DCDC2C: variants seen among roughly 807,000 people sequenced by gnomAD.
DCDC2C encodes doublecortin domain-containing protein 2C.
Under a neutral mutation model 45.0 loss-of-function variants are expected in DCDC2C, and 44 were observed. That is an observed-to-expected ratio of 0.98 (90% confidence interval 0.77 to 1.26). DCDC2C has a LOEUF of 1.26. Among genes scored for constraint, DCDC2C ranks in the 50% most tolerant of loss-of-function variants. DCDC2C has a pLI of 0.00. For synonymous variants in DCDC2C, 187 were observed against 178.8 expected, an observed-to-expected ratio of 1.05 and a Z score of -0.37; for missense variants, 447 against 468.9, an observed-to-expected ratio of 0.95 and a Z score of 0.43.
intron 6 of DCDC2C, among the ~76,000 whole-genome samples, chr2:3,759,740 C>T (rs1205829848): frequency 1.3e-5 from 2 of 152,144 alleles, no homozygotes; most frequent in Non-Finnish European, 2.9e-5. Flanking sequence ...AAAGTATTTT[C>T]GATGTCAAGT....
intron 1 of DCDC2C, among the ~76,000 whole-genome samples, chr2:3,708,214 G>A (rs1397408421): frequency 1.3e-5 from 2 of 152,172 alleles, no homozygotes; most frequent in Non-Finnish European, 2.9e-5. Flanking sequence ...TGAGCTCGCA[G>A]TTCTGGGCCT....
chr2:3,724,884 A>G (rs1572560485), intron 2 of DCDC2C, among the ~76,000 whole-genome samples: 1 of 152,130 alleles, frequency 6.6e-6, no homozygotes, highest in East Asian at 1.9e-4. Context: ...CAGAGCTGGG[A>G]AGTGAGGGAG....
intron 4 of DCDC2C, among the ~76,000 whole-genome samples, chr2:3,747,758 G>A (rs1669416448): frequency 6.6e-6 from 1 of 152,220 alleles, no homozygotes; most frequent in Non-Finnish European, 1.5e-5. Flanking sequence ...TTCCATCTAA[G>A]CCCTGAGGGG....
At chr2:3,747,924 C>T (rs964992135) in intron 4 of DCDC2C, among the ~76,000 whole-genome samples, 2 of 152,018 alleles carry the variant, frequency 1.3e-5, no homozygotes, top group South Asian at 2.1e-4. Flanking sequence ...CTGGTCAGGG[C>T]GGGCTTCTCT....
intron 8 of DCDC2C, among the ~76,000 whole-genome samples, chr2:3,771,771 G>GCTGC (rs1487122475): frequency 6.6e-6 from 1 of 152,198 alleles, no homozygotes; most frequent in African/African-American, 2.4e-5. Flanking sequence ...AGCGTGGCTG[G>GCTGC]CTGCCTGGCC....
At chr2:3,830,123 A>C (rs746807191) in intron 10 of DCDC2C, among the ~76,000 whole-genome samples, 3 of 152,142 alleles carry the variant, frequency 2.0e-5, no homozygotes, top group Non-Finnish European at 4.4e-5. Flanking sequence ...GGATAAGGAG[A>C]GCTGACAGAA....
rs1672355442 is a variant in DCDC2C at position 3,847,204 on chromosome 2, C to T, written c.*21C>T. 5 of 1,230,334 alleles carry T rather than the reference C, an allele frequency of 4.1e-6. No individual in the cohort carries two copies. The African/African-American group carries it at 4.7e-5, about 11-fold the overall frequency. The allele number at this position is 1,230,334 out of a possible 1,614,324, so 76.2% of individuals were successfully genotyped here. A position where few individuals can be genotyped will look rare whatever the true frequency, so the allele number is the denominator to read the frequency against. On this transcript the variant is annotated 3_prime_UTR_variant, in exon 11 of 11. Coordinates refer to ENST00000399143, the MANE Select transcript of DCDC2C (RefSeq NM_001287444.2). The stretch of plus-strand genomic sequence containing the variant: ...ATTAACAAAACCACCTTTATTATTA[C>T]CTGAAGTCCACTTTTCTTCAACCAT...
At chr2:3,769,542 G>C (rs1670109021) in intron 8 of DCDC2C, 131 bp downstream of exon 8, 1 of 773,728 alleles carries the variant, frequency 1.3e-6, no homozygotes, top group Non-Finnish European at 2.1e-6. Flanking sequence ...GTTCCTCCTA[G>C]TTAGAGACTG....
intron 6 of DCDC2C, 106 bp downstream of exon 6, chr2:3,754,740 A>G: frequency 1.0e-6 from 1 of 967,426 alleles, no homozygotes; most frequent in East Asian, 2.7e-5. Context: ...TAAACAGAGC[A>G]TCAGTGCCAG....
chr2:3,797,112 C>T (rs965527254), intron 10 of DCDC2C, among the ~76,000 whole-genome samples: 7 of 152,182 alleles, frequency 4.6e-5, no homozygotes, highest in South Asian at 2.1e-4. Context: ...GTGTATGTGT[C>T]GAGGAATTTA....
At chr2:3,801,204 G>C (rs972755010) in intron 10 of DCDC2C, among the ~76,000 whole-genome samples, 3 of 152,238 alleles carry the variant, frequency 2.0e-5, no homozygotes, top group African/African-American at 7.2e-5. Flanking sequence ...AGTTCCTCAA[G>C]CTCTTGCTAA....
At chr2:3,820,710 A>G (rs1009460668) in intron 10 of DCDC2C, among the ~76,000 whole-genome samples, 3 of 152,086 alleles carry the variant, frequency 2.0e-5, no homozygotes, top group African/African-American at 7.2e-5. Flanking sequence ...GGACGGGGAG[A>G]TTGGAGGGTA....
At chr2:3,709,435 T>C (rs964676094) in intron 2 of DCDC2C, among the ~76,000 whole-genome samples, 1 of 152,238 alleles carries the variant, frequency 6.6e-6, no homozygotes, top group African/African-American at 2.4e-5. Context: ...CAGAGCTCCA[T>C]GCAGGACACG....
chr2:3,751,460 C>T (rs76096760), intron 4 of DCDC2C, among the ~76,000 whole-genome samples: 14,280 of 152,238 alleles, frequency 0.094, 968 homozygotes, highest in East Asian at 0.34. Flanking sequence ...CCTGTCTTGA[C>T]GCCTCCAGGG....
chr2:3,802,485 A>C (rs973756338), intron 10 of DCDC2C, among the ~76,000 whole-genome samples: 1 of 152,202 alleles, frequency 6.6e-6, no homozygotes, highest in Non-Finnish European at 1.5e-5. Context: ...GCTATAGCAG[A>C]ATACCATAGA....
chr2:3,729,626 GA>G (rs1222905698), intron 3 of DCDC2C, among the ~76,000 whole-genome samples: 3 of 152,234 alleles, frequency 2.0e-5, no homozygotes, highest in African/African-American at 7.2e-5. Flanking sequence ...TCCTCCGCCA[GA>G]GACTGGGAGA....
chr2:3,757,697 CAG>C (rs541324486), intron 6 of DCDC2C, among the ~76,000 whole-genome samples: 116 of 152,308 alleles, frequency 7.6e-4, no homozygotes, highest in African/African-American at 2.7e-3. Flanking sequence ...CTGGAGAAGG[CAG>C]AGTGTCGATA....
chr2:3,797,735 T>C (rs1360453347), intron 10 of DCDC2C, among the ~76,000 whole-genome samples: 1 of 152,104 alleles, frequency 6.6e-6, no homozygotes, highest in Non-Finnish European at 1.5e-5. Context: ...GTCTGAGAGA[T>C]AATTTGTTAT....
intron 9 of DCDC2C, 76 bp from the exon 10 acceptor site, chr2:3,784,983 G>C: frequency 9.4e-7 from 1 of 1,068,550 alleles, no homozygotes; most frequent in Non-Finnish European, 1.2e-6. Flanking sequence ...CAGAGTAGAG[G>C]TGGGGGAGAT....
Sources: allele counts gnomAD v4.1 joint callset (sites outside exome capture counted in the v4.1 genomes callset), GRCh38; gene constraint gnomAD v4.1.1; transcripts MANE v1.5; gene names NCBI Gene and HGNC (gene_info 2026-07-23, HGNC 2026-07-21).